The following NPAS3 variants were observed in gnomAD, a reference collection of about 807,000 sequenced individuals.
The protein encoded by NPAS3 is neuronal PAS domain protein 3.
NPAS3 carries 14 observed loss-of-function variants against 73.1 expected under a neutral mutation model. That is an observed-to-expected ratio of 0.19 (90% CI 0.13 to 0.30). The LOEUF (loss-of-function observed/expected upper bound fraction) is 0.30, where lower values mean the gene tolerates loss of function less well. Ranked by LOEUF, NPAS3 falls within the 10% of genes least tolerant of loss-of-function variation. NPAS3 has a pLI of 1.00. For synonymous variants in NPAS3, 620 were observed against 541.5 expected (o/e 1.14, Z -2.01); for missense variants, 1,096 against 1,250.0 (o/e 0.88, Z 1.86).
At chr14:33,236,917 A>C (rs2048053801) in intron 3 of NPAS3, among the ~76,000 whole-genome samples, 2 of 152,158 alleles carry the variant, frequency 1.3e-5, no homozygotes, top group African/African-American at 4.8e-5. Context: ...TTTATGAAAG[A>C]TAAATCAGTG....
intron 7 of NPAS3, among the ~76,000 whole-genome samples, chr14:33,755,437 A>G (rs1566503977): frequency 6.6e-6 from 1 of 152,202 alleles, no homozygotes; most frequent in Non-Finnish European, 1.5e-5. Context: ...GGCAGAAGGT[A>G]TGTTCATAAA....
intron 3 of NPAS3, among the ~76,000 whole-genome samples, chr14:33,267,162 A>T (rs12587993): frequency 0.029 from 4,436 of 152,282 alleles, 193 homozygotes; most frequent in East Asian, 0.22. Context: ...CACAATTCAC[A>T]TTGTATAATT....
chr14:33,797,364 G>T (rs1156741775), intron 10 of NPAS3, 93 bp from the exon 11 acceptor site: 12 of 1,370,910 alleles, frequency 8.8e-6, no homozygotes, highest in South Asian at 1.3e-5. Context: ...CTAAACTCCA[G>T]AAGTCTGGGA....
chr14:33,483,746 C>T (rs1224338611), intron 4 of NPAS3, among the ~76,000 whole-genome samples: 2 of 152,206 alleles, frequency 1.3e-5, no homozygotes, highest in African/African-American at 4.8e-5. Flanking sequence ...CAGGCTACTG[C>T]ATGACCCAAG....
intron 2 of NPAS3, among the ~76,000 whole-genome samples, chr14:33,175,811 G>C (rs1259126810): frequency 1.0e-5 from 1 of 97,094 alleles, no homozygotes; most frequent in African/African-American, 3.5e-5. Context: ...AAGTATCCTA[G>C]TATTTGTAAA....
intron 2 of NPAS3, among the ~76,000 whole-genome samples, chr14:33,107,895 A>G (rs1410365019): frequency 6.6e-6 from 1 of 152,200 alleles, no homozygotes; most frequent in Admixed American, 6.5e-5. Flanking sequence ...TGGTGATAAC[A>G]TAGATTCATA....
At chr14:33,380,037 T>TG (rs1480157493) in intron 4 of NPAS3, among the ~76,000 whole-genome samples, 1 of 130,042 alleles carries the variant, frequency 7.7e-6, no homozygotes, top group Non-Finnish European at 1.7e-5. Context: ...CTGCACAAAG[T>TG]GGGGGGGAAA....
chr14:33,733,513 G>T (rs1167191528), intron 6 of NPAS3, among the ~76,000 whole-genome samples: 1 of 152,078 alleles, frequency 6.6e-6, no homozygotes, highest in Non-Finnish European at 1.5e-5. Context: ...ATTCAAAATG[G>T]GAATCTCTGA....
chr14:33,337,565 C>G (rs1020648868), intron 3 of NPAS3, among the ~76,000 whole-genome samples: 1 of 151,772 alleles, frequency 6.6e-6, no homozygotes, highest in African/African-American at 2.4e-5. Context: ...TTTCACTATT[C>G]TAGATTATTT....
At chr14:33,315,456 G>T (rs1039746474) in intron 3 of NPAS3, among the ~76,000 whole-genome samples, 3 of 151,818 alleles carry the variant, frequency 2.0e-5, no homozygotes, top group East Asian at 1.9e-4. Context: ...AATATAGCAG[G>T]CATGTGTGCG....
chr14:33,477,853 G>C (rs1359745828), intron 4 of NPAS3, among the ~76,000 whole-genome samples: 4 of 152,154 alleles, frequency 2.6e-5, no homozygotes, highest in Non-Finnish European at 5.9e-5. Flanking sequence ...CAAATAAAAG[G>C]AACTATGTCC....
chr14:32,978,935 C>G (rs893755407), intron 1 of NPAS3, among the ~76,000 whole-genome samples: 1 of 152,074 alleles, frequency 6.6e-6, no homozygotes, highest in African/African-American at 2.4e-5. Flanking sequence ...GTCGAGAGGT[C>G]AGGAATCTCA....
chr14:33,012,536 A>G (rs990120563), intron 1 of NPAS3, among the ~76,000 whole-genome samples: 5 of 150,974 alleles, frequency 3.3e-5, no homozygotes, highest in Admixed American at 6.6e-5. Flanking sequence ...TAATGTTTTC[A>G]GCCTCAAAGT....
chr14:33,550,811 T>C (rs2055075000), intron 4 of NPAS3, among the ~76,000 whole-genome samples: 1 of 152,194 alleles, frequency 6.6e-6, no homozygotes, highest in Non-Finnish European at 1.5e-5. Flanking sequence ...TGAAGCAACA[T>C]AGCCTCTAAG....
At chr14:33,499,016 T>C (rs183745292) in intron 4 of NPAS3, among the ~76,000 whole-genome samples, 245 of 147,840 alleles carry the variant, frequency 1.7e-3, no homozygotes, top group African/African-American at 5.5e-3. Context: ...TATAGACCTA[T>C]AGATGAAAGA....
Position 33,713,156 on chromosome 14 carries a change from G to C in NPAS3, c.734-22058G>C, listed in dbSNP as rs373749188. ...TTATCATCTACTATCTGCCAACAGA[G>C]ATTAGTTCAATTCTGTTATCAACTC... On this transcript the variant is annotated intron_variant, in intron 6 of 11. Coordinates refer to ENST00000356141, the Ensembl canonical transcript of NPAS3. Among the ~76,000 whole-genome samples, 3 of 152,278 alleles carry C rather than the reference G, an allele frequency of 2.0e-5. No individual in the cohort carries two copies. The East Asian group carries it at 5.8e-4, about 29-fold the overall frequency.
At chr14:33,210,227 T>C (rs932714458) in intron 2 of NPAS3, among the ~76,000 whole-genome samples, 1 of 152,170 alleles carries the variant, frequency 6.6e-6, no homozygotes. Flanking sequence ...TCCAAAGCTA[T>C]CTTTTTTTCC....
At chr14:33,560,374 A>C (rs2055582066) in intron 5 of NPAS3, 164 bp downstream of exon 5, 1 of 480,038 alleles carries the variant, frequency 2.1e-6, no homozygotes, top group African/African-American at 2.0e-5. Flanking sequence ...CCTGTGTGTC[A>C]GTGTTGAACA....
chr14:33,597,079 G>A lies in NPAS3; in HGVS notation c.558+36869G>A, dbSNP rs557878387. 2.2e-3 allele frequency among the ~76,000 whole-genome samples: 338 copies of A among 152,252 alleles called. 1 individual carries two copies. Among genetic ancestry groups the A allele is most frequent in the Middle Eastern group, 6.8e-3 (2 of 294 alleles). On this transcript the variant is annotated intron_variant, in intron 5 of 11. Coordinates refer to ENST00000356141, the Ensembl canonical transcript of NPAS3. ...GGCGGTCTTGTAAATAGGGCCATTCGATCAAACCAAACCAAAGTATATTCC... is the reference window on the plus strand; with the variant it reads ...GGCGGTCTTGTAAATAGGGCCATTCAATCAAACCAAACCAAAGTATATTCC...
Sources: allele counts gnomAD v4.1 joint callset (sites outside exome capture counted in the v4.1 genomes callset), GRCh38; gene constraint gnomAD v4.1.1; transcripts MANE v1.5; gene names NCBI Gene and HGNC (gene_info 2026-07-23, HGNC 2026-07-21).